The following RIMS1 variants were observed in gnomAD, a reference collection of about 807,000 sequenced individuals.
RIMS1 encodes regulating synaptic membrane exocytosis protein 1.
RIMS1 carries 83 observed loss-of-function variants against 214.1 expected under a neutral mutation model. That is an observed-to-expected ratio of 0.39 (90% CI 0.32 to 0.47). The LOEUF (loss-of-function observed/expected upper bound fraction) is 0.47, where lower values mean the gene tolerates loss of function less well. RIMS1 is among the 20% of genes least tolerant of loss of function. RIMS1 has a pLI of 0.99. For missense variants in RIMS1, 2,050 were observed against 2,161.8 expected, an observed-to-expected ratio of 0.95 and a Z score of 1.03; for synonymous variants, 793 against 786.8, an observed-to-expected ratio of 1.01 and a Z score of -0.13.
intron 6 of RIMS1, among the ~76,000 whole-genome samples, chr6:72,196,762 G>C (rs2051055581): frequency 6.6e-6 from 1 of 151,782 alleles, no homozygotes; most frequent in Non-Finnish European, 1.5e-5. Flanking sequence ...CAGATGGAAA[G>C]GCGAATATAG....
At chr6:72,062,666 G>A (rs1828179081) in intron 2 of RIMS1, among the ~76,000 whole-genome samples, 1 of 152,084 alleles carries the variant, frequency 6.6e-6, no homozygotes, top group East Asian at 1.9e-4. Flanking sequence ...AAAACTGGGG[G>A]GCTTATAGCA....
At chr6:72,338,245 A>G (rs1166221516) in intron 29 of RIMS1, among the ~76,000 whole-genome samples, 2 of 151,820 alleles carry the variant, frequency 1.3e-5, no homozygotes, top group East Asian at 1.9e-4. Context: ...CATCCTCTCC[A>G]GCACCTGTTG....
intron 15 of RIMS1, among the ~76,000 whole-genome samples, chr6:72,252,409 C>G (rs961504977): frequency 6.6e-6 from 1 of 152,124 alleles, no homozygotes; most frequent in East Asian, 1.9e-4. Context: ...CAGCCCTATT[C>G]TCTCTGAACT....
chr6:72,082,685 G>T (rs1022822271), intron 2 of RIMS1, among the ~76,000 whole-genome samples: 2 of 152,138 alleles, frequency 1.3e-5, no homozygotes, highest in Non-Finnish European at 2.9e-5. Flanking sequence ...CAGAGTAGGA[G>T]CGGCATATCT....
chr6:71,979,605 A>C (rs1798001184), intron 2 of RIMS1, among the ~76,000 whole-genome samples: 1 of 152,096 alleles, frequency 6.6e-6, no homozygotes, highest in South Asian at 2.1e-4. Flanking sequence ...AGTGTACTTG[A>C]CACAATTTGA....
chr6:72,010,884 C>G (rs866147723), intron 2 of RIMS1, among the ~76,000 whole-genome samples: 3 of 151,880 alleles, frequency 2.0e-5, no homozygotes, highest in East Asian at 1.9e-4. Flanking sequence ...AATCAATATC[C>G]TGAAAATGGC....
At chr6:71,923,319 G>A (rs766800858) in intron 1 of RIMS1, among the ~76,000 whole-genome samples, 2 of 152,188 alleles carry the variant, frequency 1.3e-5, no homozygotes, top group African/African-American at 2.4e-5. Flanking sequence ...TTGTTTGATT[G>A]AAAGGCGTTA....
At chr6:72,301,965 G>A (rs1032188269) in intron 26 of RIMS1, among the ~76,000 whole-genome samples, 2 of 151,532 alleles carry the variant, frequency 1.3e-5, no homozygotes, top group African/African-American at 4.8e-5. Context: ...AGGTAATAAA[G>A]CAAGAGACAA....
At chr6:72,010,883 C>G (rs1304177644) in intron 2 of RIMS1, among the ~76,000 whole-genome samples, 1 of 152,104 alleles carries the variant, frequency 6.6e-6, no homozygotes, top group Non-Finnish European at 1.5e-5. Context: ...GAATCAATAT[C>G]CTGAAAATGG....
intron 28 of RIMS1, among the ~76,000 whole-genome samples, chr6:72,320,391 T>TA (rs1164764206): frequency 6.6e-6 from 1 of 152,106 alleles, no homozygotes; most frequent in African/African-American, 2.4e-5. Flanking sequence ...AGTTTATTTT[T>TA]AAAAAGGAAG....
intron 4 of RIMS1, among the ~76,000 whole-genome samples, chr6:72,120,786 G>A (rs2038117883): frequency 6.6e-6 from 1 of 151,834 alleles, no homozygotes; most frequent in African/African-American, 2.4e-5. Flanking sequence ...ATGGTTTTAG[G>A]TCTAACATTT....
intron 1 of RIMS1, among the ~76,000 whole-genome samples, chr6:71,968,609 C>T (rs149770553): frequency 6.6e-6 from 1 of 152,240 alleles, no homozygotes; most frequent in East Asian, 1.9e-4. Context: ...CACAGAATAT[C>T]CTGCTCAAAA....
intron 16 of RIMS1, among the ~76,000 whole-genome samples, chr6:72,257,377 T>A (rs2076328049): frequency 6.6e-6 from 1 of 152,188 alleles, no homozygotes; most frequent in Non-Finnish European, 1.5e-5. Context: ...GTGACTGTTA[T>A]AATTTATTTT....
intron 1 of RIMS1, among the ~76,000 whole-genome samples, chr6:71,939,351 A>G (rs1785361894): frequency 6.6e-6 from 1 of 152,188 alleles, no homozygotes; most frequent in Non-Finnish European, 1.5e-5. Flanking sequence ...TCCTGGCAAT[A>G]CAGGCTTTTG....
intron 4 of RIMS1, among the ~76,000 whole-genome samples, chr6:72,161,539 C>T (rs2045411850): frequency 7.1e-6 from 1 of 140,092 alleles, no homozygotes; most frequent in Non-Finnish European, 1.6e-5. Flanking sequence ...CTATAAATTT[C>T]CCTCTAAACA....
chr6:72,011,033 C>A (rs111801179), intron 2 of RIMS1, among the ~76,000 whole-genome samples: 2,091 of 151,504 alleles, frequency 0.014, 51 homozygotes, highest in African/African-American at 0.046. Flanking sequence ...CAATCCTTAG[C>A]CAAAAGAACA....
At chr6:72,000,240 A>G (rs993078289) in intron 2 of RIMS1, among the ~76,000 whole-genome samples, 1 of 152,174 alleles carries the variant, frequency 6.6e-6, no homozygotes, top group African/African-American at 2.4e-5. Context: ...TTCACAAGTG[A>G]TGCAAAAAGT....
chr6:72,281,123 G>A (rs898111322), intron 23 of RIMS1, among the ~76,000 whole-genome samples: 1 of 152,100 alleles, frequency 6.6e-6, no homozygotes, highest in African/African-American at 2.4e-5. Flanking sequence ...CATGATTACT[G>A]TTGTTCAGAT....
intron 29 of RIMS1, among the ~76,000 whole-genome samples, chr6:72,348,911 T>A (rs2097355800): frequency 6.6e-6 from 1 of 151,976 alleles, no homozygotes; most frequent in African/African-American, 2.4e-5. Context: ...TTTATATCAT[T>A]TATAAAAGGT....
Sources: gnomAD v4.1 joint callset for allele counts (sites outside exome capture counted in the v4.1 genomes callset) on GRCh38, gnomAD v4.1.1 for gene constraint, MANE v1.5 for transcripts, NCBI Gene and HGNC (gene_info 2026-07-23, HGNC 2026-07-21) for gene names.